Variants in ATP13A2 observed in about 807,000 individuals in gnomAD.
ATP13A2 encodes the protein polyamine-transporting ATPase 13A2.
Under a neutral mutation model 138.3 loss-of-function variants are expected in ATP13A2, and 83 were observed. The observed-to-expected ratio is 0.60, with a 90% CI of 0.50 to 0.72. ATP13A2 has a LOEUF of 0.72. Ranked by LOEUF, ATP13A2 falls within the 30% of genes least tolerant of loss-of-function variation. The pLI, the probability that ATP13A2 is intolerant of heterozygous loss-of-function variation, is 0.00. For missense variants in ATP13A2, 1,402 were observed against 1,606.4 expected (o/e 0.87, Z 2.17); for synonymous variants, 663 against 699.0 (o/e 0.95, Z 0.81).
At chr1:16,998,103 A>G (rs1245842429) in intron 11 of ATP13A2, among the ~76,000 whole-genome samples, 1 of 152,214 alleles carries the variant, frequency 6.6e-6, no homozygotes, top group Admixed American at 6.5e-5. Flanking sequence ...CAATCCTGCC[A>G]TGTCTGCCTC....
At chr1:16,989,332 C>T (rs1042860291) in intron 23 of ATP13A2, among the ~76,000 whole-genome samples, 3 of 152,164 alleles carry the variant, frequency 2.0e-5, no homozygotes, top group Non-Finnish European at 4.4e-5. Flanking sequence ...CTGCCTCAGC[C>T]TCTTGAGTAG....
intron 1 of ATP13A2, among the ~76,000 whole-genome samples, chr1:17,010,266 C>T (rs947670260): frequency 1.2e-4 from 18 of 152,126 alleles, no homozygotes; most frequent in African/African-American, 3.4e-4. Context: ...TTAGTAGAGA[C>T]GGGGTTTCCC....
At chr1:16,988,617 T>C in intron 23 of ATP13A2, 143 bp from the exon 24 acceptor site, 1 of 758,852 alleles carries the variant, frequency 1.3e-6, no homozygotes. Context: ...GATGCAATTA[T>C]TATTATTATT....
chr1:16,990,148 G>T lies in ATP13A2; in HGVS notation c.2391C>A (p.Pro797=), dbSNP rs770849259. 6.2e-7 allele frequency: 1 copy of T among 1,614,044 alleles called. No homozygotes were observed. The highest frequency in any genetic ancestry group is 1.1e-5 in the South Asian group (1 of 91,092). Reference sequence around the variant, plus strand: ...TCACCTTAACGCCATTCACGGCTGTGGGGGACTCCATCGGCAGGAACTCGA... The same window carrying T: ...TCACCTTAACGCCATTCACGGCTGTTGGGGACTCCATCGGCAGGAACTCGA... ...ASLEFLPMES[P]TAVNGVKDPD... Residue 797 remains proline (P), a synonymous_variant, in exon 21 of 29, where the codon CCC becomes CCA. Transcript: ENST00000326735.
intron 1 of ATP13A2, among the ~76,000 whole-genome samples, chr1:17,008,836 C>T (rs192520380): frequency 2.0e-5 from 3 of 151,956 alleles, no homozygotes; most frequent in South Asian, 2.1e-4. Flanking sequence ...TGGTGGCAGG[C>T]GCCTGTAGTC....
At chr1:16,990,085 G>T (rs756467036) in intron 21 of ATP13A2, 42 bp downstream of exon 21, 2 of 1,614,040 alleles carry the variant, frequency 1.2e-6, no homozygotes, top group Non-Finnish European at 8.5e-7. Flanking sequence ...CAGGGGTGGG[G>T]TCACTGGGTG....
chr1:17,011,588 G>A lies in ATP13A2; in HGVS notation c.10+141C>T, dbSNP rs890160407. On this transcript the variant is annotated intron_variant, in intron 1 of 28. Coordinates refer to ENST00000326735, the MANE Select transcript of ATP13A2 (RefSeq NM_022089.4). This position sits in a 1 kb window ranked among gnomAD's most constrained non-coding sequence, Gnocchi z 7.3. ...CCGTCAAAAGGGAGGGGACGGGCCA[G>A]GATCCCCAACCAGGTCCCGCTTCCT... The A allele has an allele frequency of 4.5e-6, 5 of 1,108,858 alleles. No homozygotes were observed. Among genetic ancestry groups the A allele is most frequent in the African/African-American group, 1.7e-5 (1 of 59,612 alleles). 68.7% of individuals were successfully genotyped at this position (1,108,858 alleles called of 1,614,324 possible).
rs536306337 is a variant in ATP13A2 at position 16,995,982 on chromosome 1, G to A, written c.1536C>T (p.Phe512=). The A allele has an allele frequency of 6.2e-4, 999 of 1,614,004 alleles. 13 individuals carry two copies. In the South Asian group the frequency reaches 8.4e-3, roughly 14 times the overall value. The change falls in exon 15 of 29, where the codon TTC becomes TTT. Residue 512 remains phenylalanine, a synonymous_variant. Transcript: ENST00000326735. The surrounding 1 kb of genome is among the most constrained non-coding windows in gnomAD (Gnocchi z 4.1). ...ACCCCACCTGCGGCCCCACCTTGTC[G>A]AAACACACCAGCTGCAGCTTGCCCC... The part of the protein sequence containing the change: ...NLGGKLQLVC[F]DKTGTLTEDG...
At chr1:17,003,393 A>G (rs1027206985) in intron 6 of ATP13A2, among the ~76,000 whole-genome samples, 3 of 151,974 alleles carry the variant, frequency 2.0e-5, no homozygotes, top group Non-Finnish European at 4.4e-5. Context: ...CCCCGTCCCT[A>G]CAAAACATGC....
chr1:16,995,830 TG>T lies in ATP13A2; in HGVS notation c.1542+145del. ...GAGCCCAGTGAGGGCAGGAGTGGGA[TG>T]GGGTGGATCCTCTGGGGGTTTCCAT... is the stretch of plus-strand genomic sequence containing the variant. On this transcript the variant is annotated intron_variant, in intron 15 of 28. Coordinates refer to ENST00000326735, the MANE Select transcript of ATP13A2 (RefSeq NM_022089.4). The surrounding 1 kb of genome is among the most constrained non-coding windows in gnomAD (Gnocchi z 4.1). 1.1e-6 allele frequency: 1 copy of T among 950,320 alleles called. No homozygotes were observed. The highest frequency in any genetic ancestry group is 1.6e-6 in the Non-Finnish European group (1 of 611,302). The allele number at this position is 950,320 out of a possible 1,614,324, so 58.9% of individuals were successfully genotyped here.
rs200256912 is a variant in ATP13A2, at chr1:17,005,025, G to A, written c.336C>T (p.Ile112=). ...LFTVQVQTEA[I]GEGSLEPSPQ... is the part of the protein sequence containing the mutation. ...TGGGGCTGCCTCACCTGCCCTCGCC[G>A]ATGGCCTCAGTCTGCACCTGGACAG... The change falls in exon 4 of 29, where the codon ATC becomes ATT. Residue 112 remains isoleucine, a synonymous_variant. Transcript: ENST00000326735. 24 of 1,614,036 alleles carry A rather than the reference G, an allele frequency of 1.5e-5. No homozygotes were observed. Among genetic ancestry groups the A allele is most frequent in the African/African-American group, 2.7e-5 (2 of 75,028 alleles).
Position 16,987,032 on chromosome 1 carries a change from A to G in ATP13A2, c.3083+14T>C, listed in dbSNP as rs531265631. On this transcript the variant is annotated intron_variant, in intron 26 of 28. Coordinates refer to ENST00000326735, the MANE Select transcript of ATP13A2 (RefSeq NM_022089.4). ...AGGGGCGGGATGGGGGTGGTCAGTCAGCTCCCTACTCACCATGGCTGGGCC... is the reference window on the plus strand; with the variant it reads ...AGGGGCGGGATGGGGGTGGTCAGTCGGCTCCCTACTCACCATGGCTGGGCC... 2 of 1,613,258 alleles carry G rather than the reference A, an allele frequency of 1.2e-6. No homozygotes were observed. The highest frequency in any genetic ancestry group is 1.7e-6 in the Non-Finnish European group (2 of 1,179,774).
chr1:17,006,216 A>T (rs1438193883), intron 1 of ATP13A2, among the ~76,000 whole-genome samples: 2 of 151,874 alleles, frequency 1.3e-5, no homozygotes, highest in Non-Finnish European at 2.9e-5. Flanking sequence ...TGTGTCCTTT[A>T]TCTGGCTCTT....
At chr1:16,999,398 AAAAAAAAG>A (rs1022540487) in intron 11 of ATP13A2, among the ~76,000 whole-genome samples, 20 of 149,990 alleles carry the variant, frequency 1.3e-4, no homozygotes, top group Non-Finnish European at 2.4e-4. Flanking sequence ...AAAAAAAAAA[AAAAAAAAG>A]GAGAAATAGC....
In ATP13A2 at chr1:16,996,311, A is replaced by G. The variant is rs1460648882; in HGVS notation, c.1307-11T>C. On this transcript the variant is annotated splice_polypyrimidine_tract_variant and intron_variant, in intron 13 of 28. Coordinates refer to ENST00000326735, the MANE Select transcript of ATP13A2 (RefSeq NM_022089.4). Reference sequence around the variant, plus strand: ...TGGTGCCGAGGAGAGCTGTGGGGACAGCGAAGGACTGAGTGGGATTTGGGA... The same window carrying G: ...TGGTGCCGAGGAGAGCTGTGGGGACGGCGAAGGACTGAGTGGGATTTGGGA... 2 of 1,614,100 alleles carry G rather than the reference A, an allele frequency of 1.2e-6. No individual in the cohort carries two copies. The highest frequency in any genetic ancestry group is 1.7e-5 in the Admixed American group (1 of 60,024).
At chr1:17,008,825 G>A (rs557369112) in intron 1 of ATP13A2, among the ~76,000 whole-genome samples, 78 of 152,196 alleles carry the variant, frequency 5.1e-4, no homozygotes, top group Non-Finnish European at 7.5e-4. Context: ...TTAGCCGGGC[G>A]TGGTGGCAGG....
At position 17,004,561 on chromosome 1, in the gene ATP13A2, CT is replaced by C. The variant is rs1190620433; in HGVS notation, c.477+130del. On this transcript the variant is annotated intron_variant, in intron 5 of 28. Transcript: ENST00000326735. This position sits in a 1 kb window ranked among gnomAD's most constrained non-coding sequence, Gnocchi z 4.1. ...GGAGAGGCCTGAAAGTGTAAACGTG[CT>C]CAGACAGCATCCTGGATGTTTGGGA... 1 of 1,579,620 alleles carries C rather than the reference CT, an allele frequency of 6.3e-7. No homozygotes were observed. The highest frequency in any genetic ancestry group is 1.3e-5 in the African/African-American group (1 of 74,214).
At chr1:16,990,685 A>AT (rs35726919) in intron 20 of ATP13A2, among the ~76,000 whole-genome samples, 32,652 of 151,346 alleles carry the variant, frequency 0.22, 4,055 homozygotes, top group East Asian at 0.56. Flanking sequence ...CACCAGGCTA[A>AT]TTTTTTTTGC....
In ATP13A2 at chr1:16,992,575, C is replaced by T. The variant is rs1184637349; in HGVS notation, c.1756G>A (p.Glu586Lys). 6.2e-7 allele frequency: 1 copy of T among 1,614,226 alleles called. No individual in the cohort carries two copies. The highest frequency in any genetic ancestry group is 1.7e-5 in the Admixed American group (1 of 60,034). ...GCTGAGTCTGCAGCCGGCTCTTCCT[C>T]CAGGACCTGGCAGGCAGGCAGGGAA... ...KMVESTGWVLEEEPAADSAFG... is the reference protein window; with the variant it reads ...KMVESTGWVLKEEPAADSAFG... Residue 586 changes from glutamate to lysine, a missense_variant, in exon 17 of 29, where the codon GAG becomes AAG. Glu to Lys is a moderately conservative substitution (Grantham distance 56, BLOSUM62 1). Coordinates refer to ENST00000326735, the MANE Select transcript of ATP13A2 (RefSeq NM_022089.4).
Sources: allele counts gnomAD v4.1 joint callset (sites outside exome capture counted in the v4.1 genomes callset), GRCh38; gene constraint gnomAD v4.1.1; non-coding constraint Gnocchi (gnomAD v3.1); transcripts MANE v1.5; gene names NCBI Gene and HGNC (gene_info 2026-07-23, HGNC 2026-07-21).